DGKB: variants seen among roughly 807,000 people sequenced by gnomAD.
The protein encoded by DGKB is diacylglycerol kinase beta.
In DGKB, 67 loss-of-function variants were observed where a neutral mutation model predicts 114.3. The ratio of observed to expected loss-of-function variants is 0.59; its 90% confidence interval spans 0.48 to 0.72. The LOEUF is 0.72. Ranked by LOEUF, DGKB falls within the 30% of genes least tolerant of loss-of-function variation. The pLI, the probability that DGKB is intolerant of heterozygous loss-of-function variation, is 0.00. For missense variants in DGKB, 907 were observed against 975.2 expected, an observed-to-expected ratio of 0.93 and a Z score of 0.93; for synonymous variants, 398 against 323.1, an observed-to-expected ratio of 1.23 and a Z score of -2.49.
chr7:14,327,328 A>G (rs1808922133), intron 23 of DGKB, among the ~76,000 whole-genome samples: 1 of 152,172 alleles, frequency 6.6e-6, no homozygotes, highest in Non-Finnish European at 1.5e-5. Context: ...GCAAACAGAA[A>G]TTTAAAATAG....
At chr7:14,198,165 T>A (rs182282268) in intron 23 of DGKB, among the ~76,000 whole-genome samples, 76 of 152,200 alleles carry the variant, frequency 5.0e-4, no homozygotes, top group African/African-American at 1.8e-3. Context: ...AGGATCTGCT[T>A]CGCATAAATC....
chr7:14,284,110 G>A (rs1482641865), intron 23 of DGKB, among the ~76,000 whole-genome samples: 3 of 151,622 alleles, frequency 2.0e-5, no homozygotes, highest in East Asian at 3.9e-4. Context: ...TTTGCAACCT[G>A]CTCATCTGAC....
chr7:14,734,060 G>A (rs1831335152), intron 5 of DGKB, among the ~76,000 whole-genome samples: 1 of 151,388 alleles, frequency 6.6e-6, no homozygotes. Flanking sequence ...GTGTGAAATG[G>A]AGTCTCGCTC....
At chr7:14,625,137 CATCT>C (rs1243660180) in intron 14 of DGKB, among the ~76,000 whole-genome samples, 5 of 151,904 alleles carry the variant, frequency 3.3e-5, no homozygotes, top group East Asian at 3.9e-4. Context: ...TCAGTGTATC[CATCT>C]GTCTGTGTAT....
chr7:14,922,253 A>G (rs576768382), intron 1 of DGKB, among the ~76,000 whole-genome samples: 1 of 152,136 alleles, frequency 6.6e-6, no homozygotes, highest in African/African-American at 2.4e-5. Flanking sequence ...GGGAAGGGAG[A>G]GTAGGTGATT....
intron 23 of DGKB, among the ~76,000 whole-genome samples, chr7:14,203,096 GA>G (rs1191140290): frequency 1.6e-5 from 2 of 122,280 alleles, no homozygotes; most frequent in African/African-American, 3.4e-5. Flanking sequence ...TGTGCAACGT[GA>G]AAAAAAATCA....
At chr7:14,592,563 A>G (rs1324763210) in intron 17 of DGKB, among the ~76,000 whole-genome samples, 1 of 151,900 alleles carries the variant, frequency 6.6e-6, no homozygotes, top group Admixed American at 6.6e-5. Flanking sequence ...AACAATATTT[A>G]TGGTCTAGAA....
intron 1 of DGKB, among the ~76,000 whole-genome samples, chr7:14,974,320 A>G (rs919380080): frequency 6.6e-6 from 1 of 152,086 alleles, no homozygotes; most frequent in Admixed American, 6.6e-5. Flanking sequence ...AAAACACATG[A>G]GAGACAAGTT....
At chr7:14,730,171 A>G (rs1830700492) in intron 5 of DGKB, among the ~76,000 whole-genome samples, 1 of 152,222 alleles carries the variant, frequency 6.6e-6, no homozygotes, top group Admixed American at 6.5e-5. Context: ...ATTATTAAAG[A>G]AACTAACAGT....
At chr7:14,168,177 T>C (rs1784880592) in intron 25 of DGKB, among the ~76,000 whole-genome samples, 1 of 151,920 alleles carries the variant, frequency 6.6e-6, no homozygotes, top group African/African-American at 2.4e-5. Flanking sequence ...ACATAAAAAA[T>C]AACTGAAAGG....
At chr7:14,628,110 C>T (rs1195258702) in intron 14 of DGKB, among the ~76,000 whole-genome samples, 1 of 152,112 alleles carries the variant, frequency 6.6e-6, no homozygotes, top group Non-Finnish European at 1.5e-5. Context: ...TCTCTTTCTA[C>T]CACCTAAGCT....
At chr7:14,205,664 A>T (rs189377979) in intron 23 of DGKB, among the ~76,000 whole-genome samples, 16 of 152,120 alleles carry the variant, frequency 1.1e-4, no homozygotes, top group Non-Finnish European at 1.5e-5. Flanking sequence ...ACCTTTAGAC[A>T]GGACATGCTC....
chr7:14,971,036 G>T (rs1787436218), intron 1 of DGKB, among the ~76,000 whole-genome samples: 1 of 152,116 alleles, frequency 6.6e-6, no homozygotes, highest in South Asian at 2.1e-4. Context: ...TTTTCCCAAG[G>T]AGTCAAATAA....
intron 2 of DGKB, among the ~76,000 whole-genome samples, chr7:14,832,215 G>A (rs1846517821): frequency 6.6e-6 from 1 of 151,902 alleles, no homozygotes; most frequent in South Asian, 2.1e-4. Context: ...AAACTAACAA[G>A]TTAAGGAAAT....
intron 21 of DGKB, among the ~76,000 whole-genome samples, chr7:14,347,759 A>G (rs1158284911): frequency 6.6e-6 from 1 of 152,026 alleles, no homozygotes; most frequent in Non-Finnish European, 1.5e-5. Flanking sequence ...TGTATTATAT[A>G]TTTGAAATTA....
At chr7:14,379,120 C>G (rs1037019940) in intron 21 of DGKB, among the ~76,000 whole-genome samples, 1 of 151,538 alleles carries the variant, frequency 6.6e-6, no homozygotes, top group Non-Finnish European at 1.5e-5. Flanking sequence ...ATTTTTAAGA[C>G]TTTTTCCCAT....
At chr7:14,944,589 A>C (rs888608195) in intron 1 of DGKB, among the ~76,000 whole-genome samples, 1 of 151,706 alleles carries the variant, frequency 6.6e-6, no homozygotes, top group Admixed American at 6.6e-5. Flanking sequence ...TTTTCTGGAA[A>C]TTTCATCCCA....
chr7:14,847,941 C>T (rs925818707), intron 1 of DGKB, among the ~76,000 whole-genome samples: 6 of 152,012 alleles, frequency 3.9e-5, no homozygotes, highest in African/African-American at 1.5e-4. Context: ...AGTAAAGGAG[C>T]ACATGATTAG....
intron 2 of DGKB, among the ~76,000 whole-genome samples, chr7:14,761,426 TTATTTG>T (rs1371294407): frequency 6.6e-6 from 1 of 152,184 alleles, no homozygotes; most frequent in Non-Finnish European, 1.5e-5. Context: ...CACATTTATC[TTATTTG>T]TAAGTTAACT....
Sources: allele counts gnomAD v4.1 joint callset (sites outside exome capture counted in the v4.1 genomes callset), GRCh38; gene constraint gnomAD v4.1.1; transcripts MANE v1.5; gene names NCBI Gene and HGNC (gene_info 2026-07-23, HGNC 2026-07-21).